Variants in GALNT17 observed in about 807,000 individuals in gnomAD.
GALNT17 encodes UDP-GalNAc:polypeptide N-acetylgalactosaminyltransferase-like 3.
GALNT17 carries 29 observed loss-of-function variants against 63.7 expected under a neutral mutation model. That is an observed-to-expected ratio of 0.46 (90% CI 0.34 to 0.62). GALNT17 has a LOEUF of 0.62. Ranked by LOEUF, GALNT17 falls within the 20% of genes least tolerant of loss-of-function variation. The probability of loss-of-function intolerance (pLI) is 0.01; values close to 1 mark genes in which losing one functional copy is unlikely to be tolerated. For missense variants in GALNT17, 603 were observed against 799.6 expected (o/e 0.75, Z 2.97); for synonymous variants, 305 against 318.3 (o/e 0.96, Z 0.45).
In GALNT17 at chr7:71,713,213, G is replaced by GGTGTGTGT. The variant is rs145929437; in HGVS notation, c.*1076_*1083dup. On this transcript the variant is annotated 3_prime_UTR_variant, in exon 11 of 11. Coordinates refer to ENST00000333538, the MANE Select transcript of GALNT17 (RefSeq NM_022479.3). ...TGTGCCTGCGTGCTGTGCGTGGCAG[G>GGTGTGTGT]GTGTGTGTGTGTGTGTCTGGCTGTG... is the stretch of plus-strand genomic sequence containing the variant. The GGTGTGTGT allele has an allele frequency of 6.6e-6, 1 of 152,464 alleles. No homozygotes were observed. Among genetic ancestry groups the GGTGTGTGT allele is most frequent in the Non-Finnish European group, 1.5e-5 (1 of 68,190 alleles). 9.4% of individuals were successfully genotyped at this position (152,464 alleles called of 1,614,324 possible).
chr7:71,697,122 T>TA (rs761096303), intron 9 of GALNT17, among the ~76,000 whole-genome samples: 2 of 152,048 alleles, frequency 1.3e-5, no homozygotes, highest in African/African-American at 2.4e-5. Context: ...AAGCAAGAGT[T>TA]ACACCTGAAA....
At chr7:71,599,662 A>T (rs1169272813) in intron 6 of GALNT17, among the ~76,000 whole-genome samples, 1 of 151,884 alleles carries the variant, frequency 6.6e-6, no homozygotes, top group East Asian at 2.0e-4. Context: ...CTAGACATTG[A>T]TATCTGGTGG....
At chr7:71,681,481 T>C (rs1183773709) in intron 9 of GALNT17, among the ~76,000 whole-genome samples, 1 of 152,032 alleles carries the variant, frequency 6.6e-6, no homozygotes, top group Admixed American at 6.6e-5. Context: ...AAAGGGGACA[T>C]AGAGGGTGGG....
At chr7:71,687,381 A>T (rs1169671346) in intron 9 of GALNT17, among the ~76,000 whole-genome samples, 2 of 152,196 alleles carry the variant, frequency 1.3e-5, no homozygotes, top group Non-Finnish European at 2.9e-5. Context: ...GGCTCTGGCG[A>T]GCTATTAGCA....
At position 71,161,611 on chromosome 7, in the gene GALNT17, G is replaced by A. The variant is rs527729791; in HGVS notation, c.238+28571G>A. On this transcript the variant is annotated intron_variant, in intron 1 of 10. Coordinates refer to ENST00000333538, the MANE Select transcript of GALNT17 (RefSeq NM_022479.3). Reference sequence around the variant, plus strand: ...CAAAGTTTTCTGTCATTCAGTGTCTGAAAAAATATTCAGATTTTTTTCTGG... The same window carrying A: ...CAAAGTTTTCTGTCATTCAGTGTCTAAAAAAATATTCAGATTTTTTTCTGG... Among the ~76,000 whole-genome samples, 111 of 152,132 alleles carry A rather than the reference G, an allele frequency of 7.3e-4. 5 individuals carry two copies. The South Asian group carries it at 0.022, about 30-fold the overall frequency.
chr7:71,566,425 C>G (rs1789348112), intron 5 of GALNT17, among the ~76,000 whole-genome samples: 1 of 152,128 alleles, frequency 6.6e-6, no homozygotes, highest in Non-Finnish European at 1.5e-5. Flanking sequence ...AGACTCCAAG[C>G]ATAGGCTTTT....
intron 5 of GALNT17, among the ~76,000 whole-genome samples, chr7:71,453,293 A>G (rs144248922): frequency 6.6e-6 from 1 of 152,312 alleles, no homozygotes; most frequent in African/African-American, 2.4e-5. Flanking sequence ...CCACAGTTGT[A>G]GTAGTCTTTT....
chr7:71,289,837 C>T (rs537103981), intron 1 of GALNT17, among the ~76,000 whole-genome samples: 14 of 151,640 alleles, frequency 9.2e-5, no homozygotes, highest in Non-Finnish European at 2.1e-4. Context: ...CAAGATCGTG[C>T]CGTTGCATTC....
intron 1 of GALNT17, among the ~76,000 whole-genome samples, chr7:71,327,740 C>T (rs1791728886): frequency 6.6e-6 from 1 of 152,124 alleles, no homozygotes; most frequent in African/African-American, 2.4e-5. Flanking sequence ...CCAGGGCTAG[C>T]AACAGAGAGG....
chr7:71,351,425 G>T (rs530604645), intron 2 of GALNT17, among the ~76,000 whole-genome samples: 1 of 152,002 alleles, frequency 6.6e-6, no homozygotes, highest in Non-Finnish European at 1.5e-5. Flanking sequence ...GGAACCTCAG[G>T]TCACCTTATG....
At chr7:71,580,318 G>A (rs1195183040) in intron 6 of GALNT17, among the ~76,000 whole-genome samples, 1 of 151,916 alleles carries the variant, frequency 6.6e-6, no homozygotes, top group Non-Finnish European at 1.5e-5. Context: ...GTAGATGATA[G>A]ATGGATACAA....
At chr7:71,379,949 C>A (rs2116314271) in intron 2 of GALNT17, among the ~76,000 whole-genome samples, 1 of 152,238 alleles carries the variant, frequency 6.6e-6, no homozygotes, top group Admixed American at 6.5e-5. Flanking sequence ...AAAGGGTAAC[C>A]TGTGCAACAA....
intron 1 of GALNT17, among the ~76,000 whole-genome samples, chr7:71,172,622 A>C (rs1314624464): frequency 2.6e-5 from 4 of 152,156 alleles, no homozygotes; most frequent in Admixed American, 2.6e-4. Flanking sequence ...AGTCCAGAAG[A>C]CACCGTAAGG....
At chr7:71,265,118 A>ATATATATATATATATATTTT (rs1390488895) in intron 1 of GALNT17, among the ~76,000 whole-genome samples, 1 of 37,464 alleles carries the variant, frequency 2.7e-5, no homozygotes, top group African/African-American at 6.9e-5. Context: ...ATATATATAT[A>ATATATATATATATATATTTT]TTTTTTTTTT....
rs145142550 is a variant in GALNT17, at chr7:71,674,929, T to C, written c.1405-2282T>C. ...GGCCAGTTGCAGTGGTTCACGCCTG[T>C]ATTTCCAGCACTTTGGGAGGCCGAG... On this transcript the variant is annotated intron_variant, in intron 8 of 10. Coordinates refer to ENST00000333538, the MANE Select transcript of GALNT17 (RefSeq NM_022479.3). 5.2e-3 allele frequency among the ~76,000 whole-genome samples: 791 copies of C among 152,320 alleles called. 9 individuals are homozygous for C. The highest frequency in any genetic ancestry group is 0.018 in the African/African-American group (751 of 41,578).
chr7:71,605,463 G>A (rs1475676378), intron 6 of GALNT17, among the ~76,000 whole-genome samples: 1 of 151,884 alleles, frequency 6.6e-6, no homozygotes, highest in Non-Finnish European at 1.5e-5. Context: ...GCGTGCGCTT[G>A]TAGTCCCAGC....
chr7:71,547,244 A>C (rs1789000964), intron 5 of GALNT17, among the ~76,000 whole-genome samples: 1 of 151,920 alleles, frequency 6.6e-6, no homozygotes, highest in Non-Finnish European at 1.5e-5. Context: ...GGCTCACTGC[A>C]ACCTCTCCCT....
intron 9 of GALNT17, among the ~76,000 whole-genome samples, chr7:71,699,974 A>T (rs1307172576): frequency 1.3e-5 from 2 of 151,878 alleles, no homozygotes; most frequent in African/African-American, 4.8e-5. Context: ...TATGATGATA[A>T]AATATTCCGT....
chr7:71,144,457 G>A (rs1020956508), intron 1 of GALNT17, among the ~76,000 whole-genome samples: 1 of 152,174 alleles, frequency 6.6e-6, no homozygotes, highest in Non-Finnish European at 1.5e-5. Context: ...CTTCCTTGCT[G>A]CAAGAGGCAG....
Sources: gnomAD v4.1 joint callset for allele counts (sites outside exome capture counted in the v4.1 genomes callset) on GRCh38, gnomAD v4.1.1 for gene constraint, MANE v1.5 for transcripts, NCBI Gene and HGNC (gene_info 2026-07-23, HGNC 2026-07-21) for gene names.